Variants in TRPM3 observed in about 807,000 individuals in gnomAD.
The protein encoded by TRPM3 is long transient receptor potential channel 3.
A neutral mutation model predicts 181.2 loss-of-function variants in TRPM3; 77 were observed. That is an observed-to-expected ratio of 0.42 (90% confidence interval 0.35 to 0.51). TRPM3 has a LOEUF of 0.51. TRPM3 is among the 20% of genes least tolerant of loss of function. The pLI is 0.01. For missense variants in TRPM3, 1,759 were observed against 2,196.7 expected (o/e 0.80, Z 3.98); for synonymous variants, 745 against 796.4 (o/e 0.94, Z 1.09).
intron 6 of TRPM3, among the ~76,000 whole-genome samples, chr9:70,813,143 A>G (rs1330323708): frequency 6.6e-6 from 1 of 152,204 alleles, no homozygotes; most frequent in East Asian, 1.9e-4. Context: ...GCAAGATGAA[A>G]GCAATGCGCT....
chr9:70,867,407 A>G (rs2095671862), intron 1 of TRPM3, among the ~76,000 whole-genome samples: 1 of 152,090 alleles, frequency 6.6e-6, no homozygotes, highest in African/African-American at 2.4e-5. Context: ...AAGAATTCCT[A>G]CATATGGATT....
chr9:70,574,924 T>C (rs552319095), intron 22 of TRPM3, among the ~76,000 whole-genome samples: 2 of 152,018 alleles, frequency 1.3e-5, no homozygotes, highest in East Asian at 3.9e-4. Context: ...GCTTGTTTTT[T>C]TCTTTTCTTT....
chr9:70,623,960 G>A (rs533978666), intron 14 of TRPM3, among the ~76,000 whole-genome samples: 1 of 141,068 alleles, frequency 7.1e-6, no homozygotes, highest in South Asian at 2.3e-4. Context: ...GATGTTTTTG[G>A]AATGACCAAA....
chr9:71,357,598 G>A (rs906079606), intron 1 of TRPM3, among the ~76,000 whole-genome samples: 1 of 152,024 alleles, frequency 6.6e-6, no homozygotes, highest in Non-Finnish European at 1.5e-5. Context: ...TGCAGGATTT[G>A]GGAACACTGT....
At chr9:70,895,929 G>C (rs2096273403) in intron 1 of TRPM3, among the ~76,000 whole-genome samples, 1 of 152,138 alleles carries the variant, frequency 6.6e-6, no homozygotes, top group Admixed American at 6.5e-5. Flanking sequence ...AACCAGAGGT[G>C]ACTCCAGTGA....
intron 1 of TRPM3, among the ~76,000 whole-genome samples, chr9:71,224,641 G>T (rs916097903): frequency 6.6e-6 from 1 of 151,942 alleles, no homozygotes; most frequent in Admixed American, 6.6e-5. Context: ...GAAATTCAAA[G>T]AAATTTAAGA....
intron 1 of TRPM3, among the ~76,000 whole-genome samples, chr9:71,182,487 G>A (rs1340840047): frequency 6.6e-6 from 1 of 151,884 alleles, no homozygotes; most frequent in Non-Finnish European, 1.5e-5. Flanking sequence ...AACTTGGCAG[G>A]TAAATATCAA....
intron 1 of TRPM3, among the ~76,000 whole-genome samples, chr9:71,020,142 G>A (rs1181207701): frequency 1.3e-5 from 2 of 151,048 alleles, no homozygotes; most frequent in Non-Finnish European, 3.0e-5. Flanking sequence ...TTTAAATGGG[G>A]GTGAAAAAAA....
At chr9:70,748,906 A>G (rs992079620) in intron 8 of TRPM3, among the ~76,000 whole-genome samples, 5 of 152,072 alleles carry the variant, frequency 3.3e-5, no homozygotes, top group Admixed American at 6.6e-5. Context: ...TTTTTTTGAG[A>G]CAGGGTCTTG....
chr9:70,794,524 T>C (rs1328157), intron 6 of TRPM3, among the ~76,000 whole-genome samples: 77,786 of 151,782 alleles, frequency 0.51, 20,905 homozygotes, highest in Non-Finnish European at 0.6. Context: ...ACCACTCCCA[T>C]CTCCATCCTG....
At chr9:70,741,474 T>C (rs374836146) in intron 8 of TRPM3, among the ~76,000 whole-genome samples, 56 of 152,320 alleles carry the variant, frequency 3.7e-4, no homozygotes, top group African/African-American at 1.3e-3. Flanking sequence ...CTACTGGGTA[T>C]CTACCCAGAT....
chr9:70,745,627 T>C (rs1320275863), intron 8 of TRPM3, among the ~76,000 whole-genome samples: 1 of 152,208 alleles, frequency 6.6e-6, no homozygotes, highest in Non-Finnish European at 1.5e-5. Flanking sequence ...TGCATGACTC[T>C]ATGACTTTGA....
At chr9:71,184,736 T>C (rs1224684501) in intron 1 of TRPM3, among the ~76,000 whole-genome samples, 3 of 152,128 alleles carry the variant, frequency 2.0e-5, no homozygotes, top group African/African-American at 7.2e-5. Context: ...TTTCTCCTTA[T>C]GCTCACTTCC....
chr9:70,603,474 TA>T lies in TRPM3; in HGVS notation c.2668-5del. 6.2e-7 allele frequency: 1 copy of T among 1,613,802 alleles called. No individual in the cohort carries two copies. Among genetic ancestry groups the T allele is most frequent in the Non-Finnish European group, 8.5e-7 (1 of 1,179,882 alleles). On this transcript the variant is annotated splice_region_variant and splice_polypyrimidine_tract_variant and intron_variant, in intron 19 of 25. Coordinates refer to ENST00000677713, the MANE Select transcript of TRPM3 (RefSeq NM_001366145.2). ...TCAGGTATCCGATATACGCCAGCTG[TA>T]AGGAGACACAATACAGTGCTCTGGC...
intron 1 of TRPM3, among the ~76,000 whole-genome samples, chr9:70,950,061 GA>G (rs200963775): frequency 1.9e-4 from 28 of 150,022 alleles, no homozygotes; most frequent in South Asian, 1.7e-3. Context: ...TACTAAAATT[GA>G]AAAAAAAATC....
rs2097632901 is a variant in TRPM3 at position 71,003,211 on chromosome 9, A to C, written c.177+117967T>G. On this transcript the variant is annotated intron_variant, in intron 1 of 25. Coordinates refer to ENST00000677713, the MANE Select transcript of TRPM3 (RefSeq NM_001366145.2). ...CTTGCCTTAAAAAAAAAAAAAAAAAACACTTAACAGTATATCCTGTAAATC... is the reference window on the plus strand; with the variant it reads ...CTTGCCTTAAAAAAAAAAAAAAAAACCACTTAACAGTATATCCTGTAAATC... Among the ~76,000 whole-genome samples the C allele has an allele frequency of 2.0e-5, 3 of 151,148 alleles. No homozygotes were observed. The South Asian group carries it at 6.3e-4, about 32-fold the overall frequency.
At chr9:70,553,956 T>A (rs1000437574) in intron 22 of TRPM3, among the ~76,000 whole-genome samples, 1 of 151,964 alleles carries the variant, frequency 6.6e-6, no homozygotes, top group Non-Finnish European at 1.5e-5. Context: ...TCGGCCGTGA[T>A]CATGGAGCTC....
chr9:70,664,386 G>A (rs1278250404), intron 9 of TRPM3, among the ~76,000 whole-genome samples: 1 of 152,084 alleles, frequency 6.6e-6, no homozygotes, highest in Non-Finnish European at 1.5e-5. Flanking sequence ...ACCTTCTATT[G>A]AGGCTTTCTT....
At chr9:70,975,293 G>A (rs2097292038) in intron 1 of TRPM3, among the ~76,000 whole-genome samples, 1 of 152,048 alleles carries the variant, frequency 6.6e-6, no homozygotes, top group African/African-American at 2.4e-5. Context: ...AAAATAAAAG[G>A]CTAATATAGG....
Sources: allele counts gnomAD v4.1 joint callset (sites outside exome capture counted in the v4.1 genomes callset), GRCh38; gene constraint gnomAD v4.1.1; transcripts MANE v1.5; gene names NCBI Gene and HGNC (gene_info 2026-07-23, HGNC 2026-07-21).